The following STX18 variants were observed in gnomAD, a reference collection of about 807,000 sequenced individuals.
STX18 encodes the protein syntaxin 18, also known as syntaxin-18.
Under a neutral mutation model 50.1 loss-of-function variants are expected in STX18, and 40 were observed. The observed-to-expected ratio is 0.80, with a 90% confidence interval of 0.62 to 1.04. The LOEUF is 1.04. Among genes scored for constraint, STX18 ranks in the 50% least tolerant of loss-of-function variants. The probability of loss-of-function intolerance (pLI) is 0.00; values close to 1 mark genes in which losing one functional copy is unlikely to be tolerated. For synonymous variants in STX18, 158 were observed against 151.8 expected (o/e 1.04, Z -0.30); for missense variants, 410 against 415.8 (o/e 0.99, Z 0.12).
At chr4:4,534,906 G>C (rs1731261086) in intron 1 of STX18, among the ~76,000 whole-genome samples, 1 of 152,230 alleles carries the variant, frequency 6.6e-6, no homozygotes, top group Non-Finnish European at 1.5e-5. Context: ...GGCCGGATTT[G>C]GCCTGTGGGC....
chr4:4,463,885 A>C (rs1241752445), intron 2 of STX18, among the ~76,000 whole-genome samples: 2 of 152,218 alleles, frequency 1.3e-5, no homozygotes, highest in Non-Finnish European at 2.9e-5. Flanking sequence ...AATGAAGTGC[A>C]TTTAAAAGCA....
rs138694724 is a variant in STX18, at chr4:4,509,174, A to G, written c.168+32623T>C. ...AATGGTTGAACTAATTTACACTCCC[A>G]CCAACACTGTAAAAGCATTCCTTTT... On this transcript the variant is annotated intron_variant, in intron 1 of 10. Coordinates refer to ENST00000306200, the MANE Select transcript of STX18 (RefSeq NM_016930.4). Among the ~76,000 whole-genome samples, 717 of 152,310 alleles carry G rather than the reference A, an allele frequency of 4.7e-3. 5 individuals carry two copies. Among genetic ancestry groups the G allele is most frequent in the African/African-American group, 0.016 (683 of 41,560 alleles).
intron 1 of STX18, among the ~76,000 whole-genome samples, chr4:4,538,786 G>A (rs1731453811): frequency 6.6e-6 from 1 of 152,062 alleles, no homozygotes; most frequent in African/African-American, 2.4e-5. Context: ...CCAAGGCCCA[G>A]GTCTCTTTCC....
chr4:4,510,372 A>T (rs1729940386), intron 1 of STX18, among the ~76,000 whole-genome samples: 1 of 152,218 alleles, frequency 6.6e-6, no homozygotes, highest in Admixed American at 6.5e-5. Flanking sequence ...CTGGGTCTTA[A>T]TCTAGGTGAT....
intron 1 of STX18, among the ~76,000 whole-genome samples, chr4:4,525,382 G>A (rs1730703107): frequency 6.6e-6 from 1 of 152,114 alleles, no homozygotes; most frequent in Admixed American, 6.5e-5. Context: ...TGTTAATGAT[G>A]AAAAAAACTA....
At chr4:4,504,140 C>T (rs962811234) in intron 1 of STX18, among the ~76,000 whole-genome samples, 1 of 152,096 alleles carries the variant, frequency 6.6e-6, no homozygotes, top group Non-Finnish European at 1.5e-5. Context: ...CTGCCTGAAA[C>T]AGAGGAACAG....
chr4:4,522,761 G>T lies in STX18; in HGVS notation c.168+19036C>A, dbSNP rs111247556. On this transcript the variant is annotated intron_variant, in intron 1 of 10. Coordinates refer to ENST00000306200, the MANE Select transcript of STX18 (RefSeq NM_016930.4). ...AAGTCAGAGGTAAAATTAATCATCA[G>T]TAGAAAAAAATAATCCAGCAAATAA... Among the ~76,000 whole-genome samples the T allele has an allele frequency of 7.9e-4, 120 of 152,320 alleles. 2 individuals carry two copies. Among genetic ancestry groups the T allele is most frequent in the African/African-American group, 2.8e-3 (115 of 41,582 alleles).
chr4:4,474,993 A>C (rs903584405), intron 1 of STX18, among the ~76,000 whole-genome samples: 1 of 152,210 alleles, frequency 6.6e-6, no homozygotes, highest in African/African-American at 2.4e-5. Flanking sequence ...TTTTTTTAGA[A>C]GCCATAAAGT....
chr4:4,420,266 G>T lies in STX18; in HGVS notation c.913-137C>A. ...GTGTCGTTCCATCTGTGCTTACCTT[G>T]AATAGATGGCTTTTGAGATCCACCA... On this transcript the variant is annotated intron_variant, in intron 10 of 10. Coordinates refer to ENST00000306200, the MANE Select transcript of STX18 (RefSeq NM_016930.4). The surrounding 1 kb of genome is among the most constrained non-coding windows in gnomAD (Gnocchi z 4.3). 1.5e-6 allele frequency: 1 copy of T among 647,858 alleles called. No individual in the cohort carries two copies. Among genetic ancestry groups the T allele is most frequent in the Non-Finnish European group, 2.7e-6 (1 of 372,616 alleles). The allele number at this position is 647,858 out of a possible 1,614,324, so 40.1% of individuals were successfully genotyped here.
At chr4:4,464,251 G>C (rs1175153785) in intron 2 of STX18, among the ~76,000 whole-genome samples, 1 of 152,156 alleles carries the variant, frequency 6.6e-6, no homozygotes, top group East Asian at 1.9e-4. Flanking sequence ...TGGAGCTAGG[G>C]GAAGAGACGA....
chr4:4,518,484 C>G (rs1421721152), intron 1 of STX18, among the ~76,000 whole-genome samples: 5 of 152,166 alleles, frequency 3.3e-5, no homozygotes, highest in African/African-American at 1.2e-4. Context: ...AATGGTAAAA[C>G]TCCTAAGGGA....
intron 1 of STX18, chr4:4,499,478 A>T: frequency 1.0e-6 from 1 of 985,040 alleles, no homozygotes; most frequent in South Asian, 4.7e-5. Flanking sequence ...ACAGCATTTC[A>T]TATGCACAGA....
At chr4:4,500,219 ACT>A (rs1467533044) in intron 1 of STX18, among the ~76,000 whole-genome samples, 4 of 152,014 alleles carry the variant, frequency 2.6e-5, no homozygotes, top group African/African-American at 9.7e-5. Flanking sequence ...CTAGAAAGAA[ACT>A]CTTTTATCAC....
At chr4:4,492,414 T>A (rs1221526804) in intron 1 of STX18, among the ~76,000 whole-genome samples, 1 of 152,110 alleles carries the variant, frequency 6.6e-6, no homozygotes, top group African/African-American at 2.4e-5. Context: ...AGGGACTATA[T>A]TCACTGAAAA....
At chr4:4,503,465 C>T (rs1392396493) in intron 1 of STX18, among the ~76,000 whole-genome samples, 1 of 152,072 alleles carries the variant, frequency 6.6e-6, no homozygotes, top group Non-Finnish European at 1.5e-5. Flanking sequence ...ACATACAACA[C>T]TTAGAGACTT....
intron 1 of STX18, among the ~76,000 whole-genome samples, chr4:4,483,866 T>G (rs192734053): frequency 6.6e-6 from 1 of 152,182 alleles, no homozygotes; most frequent in East Asian, 1.9e-4. Flanking sequence ...CAGGAATTTT[T>G]TTTTTCCTTT....
chr4:4,470,958 T>G (rs73086271), intron 2 of STX18, among the ~76,000 whole-genome samples: 286 of 152,278 alleles, frequency 1.9e-3, no homozygotes, highest in African/African-American at 6.7e-3. Context: ...TAAAAAAGAC[T>G]CTGGCTACTG....
chr4:4,526,511 A>G (rs1396641007), intron 1 of STX18, among the ~76,000 whole-genome samples: 1 of 152,218 alleles, frequency 6.6e-6, no homozygotes, highest in East Asian at 1.9e-4. Flanking sequence ...CACAAGCTGG[A>G]ACAACAACAA....
intron 1 of STX18, among the ~76,000 whole-genome samples, chr4:4,520,642 AGTCTAGCTGGCCTTTGTTTGTG>A (rs1159758940): frequency 5.3e-5 from 8 of 152,228 alleles, no homozygotes; most frequent in Non-Finnish European, 1.0e-4. Context: ...TTGTTCAGAC[AGTCTAGCTGGCCTTTGTTTGTG>A]TTTACTGAAA....
Sources: gnomAD v4.1 joint callset for allele counts (sites outside exome capture counted in the v4.1 genomes callset) on GRCh38, gnomAD v4.1.1 for gene constraint, Gnocchi (gnomAD v3.1) non-coding constraint, MANE v1.5 for transcripts, NCBI Gene and HGNC (gene_info 2026-07-23, HGNC 2026-07-21) for gene names.